The following QRFPR variants were observed in gnomAD, a reference collection of about 807,000 sequenced individuals.
The protein encoded by QRFPR is pyroglutamylated RFamide peptide receptor, also known as pyroglutamylated RF-amide peptide receptor.
In QRFPR, 37 loss-of-function variants were observed where a neutral mutation model predicts 31.3. The observed-to-expected ratio is 1.18, with a 90% CI of 0.91 to 1.56. The LOEUF (loss-of-function observed/expected upper bound fraction) is 1.56, where lower values mean the gene tolerates loss of function less well. Among genes scored for constraint, QRFPR ranks in the 40% most tolerant of loss-of-function variants. The probability of loss-of-function intolerance (pLI) is 0.00; values close to 1 mark genes in which losing one functional copy is unlikely to be tolerated. For missense variants in QRFPR, 542 were observed against 532.5 expected, an observed-to-expected ratio of 1.02 and a Z score of -0.18; for synonymous variants, 197 against 192.0, an observed-to-expected ratio of 1.03 and a Z score of -0.22.
intron 1 of QRFPR, among the ~76,000 whole-genome samples, chr4:121,341,640 G>T (rs538041595): frequency 6.6e-6 from 1 of 152,100 alleles, no homozygotes; most frequent in Non-Finnish European, 1.5e-5. Context: ...TTAATATATT[G>T]TATATAACTA....
At chr4:121,331,839 G>A (rs562196392) in intron 4 of QRFPR, among the ~76,000 whole-genome samples, 1 of 152,098 alleles carries the variant, frequency 6.6e-6, no homozygotes, top group South Asian at 2.1e-4. Flanking sequence ...TTTTAGTAGA[G>A]ACAGAGTTTC....
chr4:121,329,565 A>C lies in QRFPR; in HGVS notation c.1045T>G (p.Tyr349Asp), dbSNP rs1725282831. Residue 349 changes from tyrosine (Y) to aspartate (D), a missense_variant, in exon 6 of 6, where the codon TAT becomes GAT. Physicochemically the swap from Tyr to Asp is radical, Grantham distance 160. Coordinates refer to ENST00000394427, the MANE Select transcript of QRFPR (RefSeq NM_198179.3). ...GAGAAGGTTTTATTTACTATGCAAT[A>C]ACAAACTGCAGACAAAACATTTTTT... ...FKKNVLSAVC[Y>D]CIVNKTFSPA... is the part of the protein sequence containing the mutation. 1 of 1,613,872 alleles carries C rather than the reference A, an allele frequency of 6.2e-7. No homozygotes were observed. The highest frequency in any genetic ancestry group is 1.1e-5 in the South Asian group (1 of 90,998).
chr4:121,357,058 T>C (rs574941956), intron 1 of QRFPR, among the ~76,000 whole-genome samples: 5 of 152,264 alleles, frequency 3.3e-5, no homozygotes, highest in Middle Eastern at 3.4e-3. Flanking sequence ...TTTGTATTAG[T>C]TTCCTACTGG....
chr4:121,370,422 A>G, intron 1 of QRFPR: 1 of 633,714 alleles, frequency 1.6e-6, no homozygotes, highest in South Asian at 1.5e-5. Context: ...GACTAAGCTG[A>G]CAGATGGATG....
rs747352262 is a variant in QRFPR at position 121,330,440 on chromosome 4, A to T, written c.881T>A (p.Met294Lys). 34 of 1,609,902 alleles carry T rather than the reference A, an allele frequency of 2.1e-5. No individual in the cohort carries two copies. In the East Asian group the frequency reaches 7.4e-4, roughly 35 times the overall value. ...VCWAPFHVVH[M>K]MIEYSNFEKE... ...CAAGCACTCACTGTATTCAATCATC[A>T]TATGGACAACATGGAATGGTGCCCA... The change falls in exon 5 of 6, where the codon ATG becomes AAG. Residue 294 changes from methionine to lysine, a missense_variant. Physicochemically the swap from Met to Lys is moderately conservative, Grantham distance 95. Transcript: ENST00000394427.
chr4:121,338,295 C>T (rs530192237), intron 2 of QRFPR, among the ~76,000 whole-genome samples: 9 of 152,206 alleles, frequency 5.9e-5, no homozygotes, highest in African/African-American at 9.6e-5. Flanking sequence ...GTCTAATTTT[C>T]ATAGCTCATT....
intron 1 of QRFPR, among the ~76,000 whole-genome samples, chr4:121,371,786 C>G (rs1726251853): frequency 6.6e-6 from 1 of 152,188 alleles, no homozygotes; most frequent in Non-Finnish European, 1.5e-5. Context: ...AGCAGTCAAG[C>G]CTTTCCAAGG....
At chr4:121,367,515 A>G (rs1450016232) in intron 1 of QRFPR, among the ~76,000 whole-genome samples, 6 of 150,366 alleles carry the variant, frequency 4.0e-5, no homozygotes, top group Non-Finnish European at 7.4e-5. Flanking sequence ...TAAATAAACT[A>G]TAATGGACCT....
At chr4:121,369,581 A>G in intron 1 of QRFPR, 1 of 1,611,552 alleles carries the variant, frequency 6.2e-7, no homozygotes. Flanking sequence ...CTGGGCACGG[A>G]TCAGTTCCAT....
intron 3 of QRFPR, among the ~76,000 whole-genome samples, chr4:121,335,722 T>C (rs982166382): frequency 5.9e-5 from 9 of 152,058 alleles, no homozygotes; most frequent in Non-Finnish European, 1.2e-4. Context: ...AATTATAAAT[T>C]GATTAAATAA....
rs55693553 is a variant in QRFPR, at chr4:121,380,440, C to T, written c.208G>A (p.Val70Met). 9 of 1,614,060 alleles carry T rather than the reference C, an allele frequency of 5.6e-6. No individual in the cohort carries two copies. The highest frequency in any genetic ancestry group is 7.6e-6 in the Non-Finnish European group (9 of 1,180,010). The change falls in exon 1 of 6, where the codon GTG (valine) becomes ATG (methionine). Residue 70 changes from valine (V) to methionine (M), a missense_variant. By Grantham distance (21) the Val-to-Met change is conservative. Coordinates refer to ENST00000394427, the MANE Select transcript of QRFPR (RefSeq NM_198179.3). The part of the protein sequence containing the change: ...LFGNALVFYV[V>M]TRSKAMRTVT... The stretch of plus-strand genomic sequence containing the variant: ...GTGCGCATGGCCTTGCTGCGGGTCA[C>T]CACGTAGAACACCAGAGCATTGCCA...
chr4:121,361,382 A>C (rs1480368261), intron 1 of QRFPR, among the ~76,000 whole-genome samples: 1 of 150,140 alleles, frequency 6.7e-6, no homozygotes, highest in Non-Finnish European at 1.5e-5. Flanking sequence ...TTACTGTAGC[A>C]ACTACTTCTA....
chr4:121,329,645 A>T lies in QRFPR; in HGVS notation c.965T>A (p.Phe322Tyr), dbSNP rs1423850540. 1 of 1,596,112 alleles carries T rather than the reference A, an allele frequency of 6.3e-7. No homozygotes were observed. Among genetic ancestry groups the T allele is most frequent in the Non-Finnish European group, 8.5e-7 (1 of 1,172,202 alleles). The change falls in exon 6 of 6, where the codon TTT becomes TAT. Residue 322 changes from phenylalanine (F) to tyrosine (Y), a missense_variant. Transcript: ENST00000394427. ...MIFAIVQIIG[F>Y]SNSICNPIVY... is the part of the protein sequence containing the mutation. ...AATGGGATTACAGATGGAGTTGGAA[A>T]ATCCAATAATTTGCACGATAGCAAA...
chr4:121,355,666 G>A (rs2110476787), intron 1 of QRFPR, among the ~76,000 whole-genome samples: 1 of 151,640 alleles, frequency 6.6e-6, no homozygotes. Context: ...TTATTTGAAG[G>A]TTTTCTGCTT....
chr4:121,370,906 G>A (rs1313138851), intron 1 of QRFPR, among the ~76,000 whole-genome samples: 2 of 152,102 alleles, frequency 1.3e-5, no homozygotes, highest in Non-Finnish European at 2.9e-5. Flanking sequence ...CATATTTTCT[G>A]CCACCACATC....
In QRFPR at chr4:121,329,256, A is replaced by C; in HGVS notation, c.*58T>G. On this transcript the variant is annotated 3_prime_UTR_variant, in exon 6 of 6. Coordinates refer to ENST00000394427, the MANE Select transcript of QRFPR (RefSeq NM_198179.3). ...AAAGAGTATTTGACCTTTGCTCAAAATAATTTTCTCTTTGGGTTACAATCT... is the reference window on the plus strand; with the variant it reads ...AAAGAGTATTTGACCTTTGCTCAAACTAATTTTCTCTTTGGGTTACAATCT... 1 of 1,330,436 alleles carries C rather than the reference A, an allele frequency of 7.5e-7. No homozygotes were observed. The highest frequency in any genetic ancestry group is 1.0e-6 in the Non-Finnish European group (1 of 967,974). The allele number at this position is 1,330,436 out of a possible 1,614,324, so 82.4% of individuals were successfully genotyped here. A position where few individuals can be genotyped will look rare whatever the true frequency, so the allele number is the denominator to read the frequency against.
chr4:121,340,318 A>C lies in QRFPR; in HGVS notation c.499+134T>G, dbSNP rs760892031. 5 of 945,680 alleles carry C rather than the reference A, an allele frequency of 5.3e-6. No individual in the cohort carries two copies. In the East Asian group the frequency reaches 8.0e-5, roughly 15 times the overall value. The allele number at this position is 945,680 out of a possible 1,614,324, so 58.6% of individuals were successfully genotyped here. On this transcript the variant is annotated intron_variant, in intron 2 of 5. Transcript: ENST00000394427. ...GGAGATGAAGGCAAACAGGGAAAGC[A>C]CTGAAACTCTCAAATTATATTCCAA...
intron 3 of QRFPR, chr4:121,334,583 TTC>T (rs1310977756): frequency 2.9e-6 from 1 of 348,802 alleles, no homozygotes; most frequent in Non-Finnish European, 5.8e-6. Context: ...CTTTGTGCTC[TTC>T]TCTCTCTTAA....
intron 1 of QRFPR, among the ~76,000 whole-genome samples, chr4:121,359,867 C>T (rs1036455432): frequency 2.0e-5 from 3 of 151,844 alleles, no homozygotes; most frequent in Admixed American, 1.3e-4. Flanking sequence ...GGAACCCTGA[C>T]TAATACGGCT....
Sources: allele counts gnomAD v4.1 joint callset (sites outside exome capture counted in the v4.1 genomes callset), GRCh38; gene constraint gnomAD v4.1.1; transcripts MANE v1.5; gene names NCBI Gene and HGNC (gene_info 2026-07-23, HGNC 2026-07-21).